The following NCOR2 variants were observed in gnomAD, a reference collection of about 807,000 sequenced individuals.
The protein encoded by NCOR2 is nuclear receptor corepressor 2.
A neutral mutation model predicts 262.9 loss-of-function variants in NCOR2; 81 were observed. The observed-to-expected ratio is 0.31, with a 90% CI of 0.26 to 0.37. The LOEUF is 0.37. NCOR2 is among the 10% of genes least tolerant of loss of function. NCOR2 has a pLI of 1.00. For missense variants in NCOR2, 3,385 were observed against 3,621.4 expected (o/e 0.93, Z 1.68); for synonymous variants, 1,659 against 1,559.3 (o/e 1.06, Z -1.51).
At chr12:124,428,186 C>T (rs2043702035) in intron 10 of NCOR2, among the ~76,000 whole-genome samples, 1 of 151,962 alleles carries the variant, frequency 6.6e-6, no homozygotes, top group African/African-American at 2.4e-5. Context: ...CAGACTAAAC[C>T]CACAGCCAGC....
intron 1 of NCOR2, among the ~76,000 whole-genome samples, chr12:124,512,826 G>GA (rs1398589092): frequency 1.3e-5 from 2 of 152,154 alleles, no homozygotes; most frequent in Non-Finnish European, 2.9e-5. Context: ...CAGTTTACAG[G>GA]AAACAAGGGA....
At chr12:124,356,656 G>A (rs1219415121) in exon 23 of NCOR2, 3 of 1,445,862 alleles carry the variant, frequency 2.1e-6, no homozygotes, top group Admixed American at 3.0e-5. Flanking sequence ...TGGAGCGTAG[G>A]AGAAGGCTGA....
At chr12:124,332,603 C>A in intron 42 of NCOR2, 136 bp from the exon 45 acceptor site, 1 of 1,132,088 alleles carries the variant, frequency 8.8e-7, no homozygotes, top group Non-Finnish European at 1.3e-6. Context: ...GCATCCCCTG[C>A]CTGGTAGAAG....
chr12:124,548,236 G>C lies in NCOR2; in HGVS notation c.-164-12625C>G, dbSNP rs1026002012. Among the ~76,000 whole-genome samples the C allele has an allele frequency of 6.6e-6, 1 of 152,196 alleles. No homozygotes were observed. Among genetic ancestry groups the C allele is most frequent in the Non-Finnish European group, 1.5e-5 (1 of 68,036 alleles). On this transcript the variant is annotated intron_variant, in intron 1 of 32. Coordinates refer to the NCOR2 transcript ENST00000458234. The surrounding 1 kb of genome is among the most constrained non-coding windows in gnomAD (Gnocchi z 5.1). ...TATGCAGGGAACAGCATTCCAGGTG[G>C]GGGGAACAACAAACGCGAAGGCCCA...
chr12:124,487,721 T>C (rs1197522408), intron 1 of NCOR2, among the ~76,000 whole-genome samples: 1 of 152,262 alleles, frequency 6.6e-6, no homozygotes, highest in Non-Finnish European at 1.5e-5. Context: ...ATAGCACAAT[T>C]GTCCTGTACG....
At position 124,566,018 on chromosome 12, in the gene NCOR2, C is replaced by T. The variant is rs1013568825; in HGVS notation, c.-165+1290G>A. The stretch of plus-strand genomic sequence containing the variant: ...CCTTATATCAAAGCTGCCGCAAGGA[C>T]CCAGATCTGGCTGAAAAGGGGCAAA... On this transcript the variant is annotated intron_variant, in intron 1 of 32. Transcript: ENST00000458234. This position sits in a 1 kb window ranked among gnomAD's most constrained non-coding sequence, Gnocchi z 4.3. Among the ~76,000 whole-genome samples, 14 of 152,162 alleles carry T rather than the reference C, an allele frequency of 9.2e-5. No homozygotes were observed. Among genetic ancestry groups the T allele is most frequent in the Admixed American group, 5.2e-4 (8 of 15,286 alleles).
chr12:124,497,370 C>T (rs1270739349), upstream of NCOR2, among the ~76,000 whole-genome samples: 7 of 152,220 alleles, frequency 4.6e-5, no homozygotes, highest in African/African-American at 9.6e-5. The surrounding 1 kb of genome is among the most constrained non-coding windows in gnomAD (Gnocchi z 4.2). Flanking sequence ...CGCTAAGCTG[C>T]GTGGCCTTGG....
At chr12:124,371,701 C>T (rs547005236) in intron 20 of NCOR2, among the ~76,000 whole-genome samples, 1 of 152,204 alleles carries the variant, frequency 6.6e-6, no homozygotes, top group Non-Finnish European at 1.5e-5. Context: ...CCACCTGGCT[C>T]GAACTACCTT....
At chr12:124,420,541 C>T (rs896342101) in intron 12 of NCOR2, among the ~76,000 whole-genome samples, 2 of 152,192 alleles carry the variant, frequency 1.3e-5, no homozygotes, top group Non-Finnish European at 2.9e-5. Context: ...TCTTCCAAGC[C>T]TTGTGCATCG....
intron 8 of NCOR2, 100 bp from the exon 11 acceptor site, chr12:124,430,887 C>T (rs193238046): frequency 1.3e-5 from 18 of 1,404,294 alleles, no homozygotes; most frequent in African/African-American, 7.2e-5. Context: ...CAGGTGCGTG[C>T]GCACACACAC....
At chr12:124,402,860 G>C (rs1318948206) in intron 13 of NCOR2, among the ~76,000 whole-genome samples, 2 of 152,186 alleles carry the variant, frequency 1.3e-5, no homozygotes, top group African/African-American at 4.8e-5. Flanking sequence ...CAGTGGCTGT[G>C]TGAGCTTGGA....
rs1037016002 is a variant in NCOR2 at position 124,486,834 on chromosome 12, C to T, written c.106-266G>A. On this transcript the variant is annotated intron_variant, in intron 1 of 46. Coordinates refer to ENST00000405201, the Ensembl canonical transcript of NCOR2. The stretch of plus-strand genomic sequence containing the variant: ...CATCCCAGGGACCCACGATCACGCC[C>T]ACCTTCCAAATGAGACTGCCAAGCC... 2.0e-5 allele frequency among the ~76,000 whole-genome samples: 3 copies of T among 152,200 alleles called. No individual in the cohort carries two copies. The East Asian group carries it at 5.8e-4, about 29-fold the overall frequency.
In NCOR2 at chr12:124,457,231, T is replaced by C; in HGVS notation, c.706-69A>G. The C allele has an allele frequency of 7.0e-7, 1 of 1,431,656 alleles. No homozygotes were observed. The highest frequency in any genetic ancestry group is 1.5e-5 in the African/African-American group (1 of 65,966). The allele number at this position is 1,431,656 out of a possible 1,614,324, so 88.7% of individuals were successfully genotyped here. Reference sequence around the variant, plus strand: ...AAAAACACAGATTATAAATAGAGGCTTCCCGGAGCAGCGGGCACCTGCCCA... The same window carrying C: ...AAAAACACAGATTATAAATAGAGGCCTCCCGGAGCAGCGGGCACCTGCCCA... On this transcript the variant is annotated intron_variant, in intron 5 of 46. Transcript: ENST00000405201. This position sits in a 1 kb window ranked among gnomAD's most constrained non-coding sequence, Gnocchi z 4.0.
chr12:124,509,043 C>T (rs959900430), intron 1 of NCOR2, among the ~76,000 whole-genome samples: 3 of 152,174 alleles, frequency 2.0e-5, no homozygotes, highest in African/African-American at 7.2e-5. Flanking sequence ...CCATGAAAGG[C>T]AGGCCAGGCA....
At chr12:124,363,724 C>T in exon 21 of NCOR2, 1 of 1,411,522 alleles carries the variant, frequency 7.1e-7, no homozygotes, top group Non-Finnish European at 9.3e-7. Context: ...GCTTCAGGTC[C>T]AGTGGCTTCT....
chr12:124,512,267 C>T (rs2049436549), intron 1 of NCOR2, among the ~76,000 whole-genome samples: 1 of 152,204 alleles, frequency 6.6e-6, no homozygotes, highest in Non-Finnish European at 1.5e-5. Flanking sequence ...AAAATCAAGG[C>T]GTCAGCAGGA....
intron 20 of NCOR2, 32 bp downstream of exon 22, chr12:124,371,990 G>A (rs906855499): frequency 1.9e-5 from 30 of 1,543,082 alleles, no homozygotes; most frequent in Non-Finnish European, 2.4e-5. Flanking sequence ...GCAGACAAAA[G>A]CCAAGGTTAG....
chr12:124,494,205 C>T (rs984824525), intron 1 of NCOR2, among the ~76,000 whole-genome samples: 3 of 151,604 alleles, frequency 2.0e-5, no homozygotes, highest in African/African-American at 7.3e-5. Flanking sequence ...GGGACCACAC[C>T]AGCCAGGCAG....
chr12:124,343,207 C>T (rs2036598329), exon 33 of NCOR2: 1 of 1,608,358 alleles, frequency 6.2e-7, no homozygotes, highest in African/African-American at 1.3e-5. Flanking sequence ...CCTGGGATGC[C>T]TTGCTGGACG....
Sources: gnomAD v4.1 joint callset for allele counts (sites outside exome capture counted in the v4.1 genomes callset) on GRCh38, gnomAD v4.1.1 for gene constraint, Gnocchi (gnomAD v3.1) non-coding constraint, MANE v1.5 for transcripts, NCBI Gene and HGNC (gene_info 2026-07-23, HGNC 2026-07-21) for gene names.